TNFAIP8L1: variants seen among roughly 807,000 people sequenced by gnomAD.
The protein encoded by TNFAIP8L1 is tumor necrosis factor alpha-induced protein 8-like protein 1.
For synonymous variants in TNFAIP8L1, 127 were observed against 125.6 expected (o/e 1.01, Z -0.08); for missense variants, 225 against 266.1 (o/e 0.85, Z 1.08).
intron 1 of TNFAIP8L1, among the ~76,000 whole-genome samples, chr19:4,644,298 G>C (rs2088289669): frequency 6.6e-6 from 1 of 152,086 alleles, no homozygotes; most frequent in Admixed American, 6.6e-5. Context: ...CCAGCACTTT[G>C]GGAGGTCAAG....
In TNFAIP8L1 at chr19:4,654,594, G is replaced by A. The variant is rs1230631631; in HGVS notation, c.*2164G>A. 1 of 152,120 alleles carries A rather than the reference G, an allele frequency of 6.6e-6. No homozygotes were observed. Among genetic ancestry groups the A allele is most frequent in the Non-Finnish European group, 1.5e-5 (1 of 68,030 alleles). The allele number at this position is 152,120 out of a possible 1,614,324, so 9.4% of individuals were successfully genotyped here. On this transcript the variant is annotated 3_prime_UTR_variant, in exon 2 of 2. Coordinates refer to ENST00000327473, the MANE Select transcript of TNFAIP8L1 (RefSeq NM_152362.3). The stretch of plus-strand genomic sequence containing the variant: ...TGGGCTCAAGCGACCTACCTACCTC[G>A]GCCTCACAAAGTGTGCACATTGTAA...
At position 4,651,937 on chromosome 19, in the gene TNFAIP8L1, C is replaced by T; in HGVS notation, c.68C>T (p.Ser23Phe). 1.2e-6 allele frequency: 2 copies of T among 1,614,032 alleles called. No individual in the cohort carries two copies. The highest frequency in any genetic ancestry group is 8.5e-7 in the Non-Finnish European group (1 of 1,179,938). ...AAGAAGCTCCTGAGTAAGATGGCGT[C>T]CAAGGCAGTGGTGGCCGTGCTGGTG... ...AQKKLLSKMA[S>F]KAVVAVLVDD... is the part of the protein sequence containing the mutation. Residue 23 changes from serine (S) to phenylalanine (F), a missense_variant, in exon 2 of 2, where the codon TCC becomes TTC. By Grantham distance (155) the Ser-to-Phe change is radical (BLOSUM62 -2). Coordinates refer to ENST00000327473, the MANE Select transcript of TNFAIP8L1 (RefSeq NM_152362.3).
chr19:4,644,391 A>T (rs1423872248), intron 1 of TNFAIP8L1, among the ~76,000 whole-genome samples: 2 of 150,060 alleles, frequency 1.3e-5, no homozygotes, highest in Non-Finnish European at 3.0e-5. Flanking sequence ...AAAAAAAAAA[A>T]AAAATTAACC....
At chr19:4,648,328 G>A (rs1394857096) in intron 1 of TNFAIP8L1, among the ~76,000 whole-genome samples, 1 of 152,230 alleles carries the variant, frequency 6.6e-6, no homozygotes, top group Non-Finnish European at 1.5e-5. Flanking sequence ...TGATGCGGCC[G>A]CTACACCGCC....
intron 1 of TNFAIP8L1, among the ~76,000 whole-genome samples, chr19:4,644,039 G>A (rs1422009196): frequency 6.6e-6 from 1 of 151,192 alleles, no homozygotes; most frequent in Admixed American, 6.6e-5. Context: ...TGACCAACAT[G>A]GAGAAAACCC....
rs1047597021 is a variant in TNFAIP8L1 at position 4,648,630 on chromosome 19, C to A, written c.-3-3237C>A. Among the ~76,000 whole-genome samples, 10 of 152,196 alleles carry A rather than the reference C, an allele frequency of 6.6e-5. No homozygotes were observed. In the South Asian group the frequency reaches 1.0e-3, roughly 16 times the overall value. ...CGGGGGTTGCTCTTGGGAGCCCAGGCCCTTCCTGAATCTGTAAACAGGCCT... is the reference window on the plus strand; with the variant it reads ...CGGGGGTTGCTCTTGGGAGCCCAGGACCTTCCTGAATCTGTAAACAGGCCT... On this transcript the variant is annotated intron_variant, in intron 1 of 1. Coordinates refer to ENST00000327473, the MANE Select transcript of TNFAIP8L1 (RefSeq NM_152362.3).
intron 1 of TNFAIP8L1, among the ~76,000 whole-genome samples, chr19:4,649,179 C>G (rs1430902731): frequency 6.6e-6 from 1 of 151,754 alleles, no homozygotes; most frequent in African/African-American, 2.4e-5. Context: ...ATCCTCCCGC[C>G]TTGGCTTCCG....
At chr19:4,644,744 C>A (rs1441815791) in intron 1 of TNFAIP8L1, among the ~76,000 whole-genome samples, 1 of 151,444 alleles carries the variant, frequency 6.6e-6, no homozygotes, top group Non-Finnish European at 1.5e-5. Flanking sequence ...GCTGGGATTA[C>A]AGGCGTGTGC....
Position 4,652,504 on chromosome 19 carries a change from T to G in TNFAIP8L1, c.*74T>G, listed in dbSNP as rs933083136. The G allele has an allele frequency of 5.1e-6, 7 of 1,383,738 alleles. No homozygotes were observed. Among genetic ancestry groups the G allele is most frequent in the African/African-American group, 1.5e-5 (1 of 67,320 alleles). 85.7% of individuals were successfully genotyped at this position (1,383,738 alleles called of 1,614,324 possible). ...GCTGGGCGCGGGTGGGGTTTGTGGG[T>G]TTTTTTCCACCTCTTTTCTCCCAAT... On this transcript the variant is annotated 3_prime_UTR_variant, in exon 2 of 2. Transcript: ENST00000327473.
At position 4,652,628 on chromosome 19, in the gene TNFAIP8L1, TCTC is replaced by T. The variant is rs1469652749; in HGVS notation, c.*204_*206del. 2.5e-5 allele frequency: 14 copies of T among 552,620 alleles called. No individual in the cohort carries two copies. The highest frequency in any genetic ancestry group is 2.4e-4 in the African/African-American group (12 of 50,054). The allele number at this position is 552,620 out of a possible 1,614,324, so 34.2% of individuals were successfully genotyped here. Reference sequence around the variant, plus strand: ...AGCTGTTTCAAACACCAATGTCACCTCTCCTCCTGGCCCCCGCCCAATGGGGAG... The same window carrying T: ...AGCTGTTTCAAACACCAATGTCACCTCTCCTGGCCCCCGCCCAATGGGGAG... On this transcript the variant is annotated 3_prime_UTR_variant, in exon 2 of 2. Coordinates refer to ENST00000327473, the MANE Select transcript of TNFAIP8L1 (RefSeq NM_152362.3).
intron 1 of TNFAIP8L1, chr19:4,642,515 AAAAT>A (rs1269049675): frequency 6.6e-6 from 1 of 152,034 alleles, no homozygotes; most frequent in Non-Finnish European, 1.5e-5. Context: ...ATATACACAT[AAAAT>A]AAATAAAATA....
chr19:4,652,636 T>C lies in TNFAIP8L1; in HGVS notation c.*206T>C. On this transcript the variant is annotated 3_prime_UTR_variant, in exon 2 of 2. Coordinates refer to ENST00000327473, the MANE Select transcript of TNFAIP8L1 (RefSeq NM_152362.3). ...CAAACACCAATGTCACCTCTCCTCC[T>C]GGCCCCCGCCCAATGGGGAGAGGAA... is the stretch of plus-strand genomic sequence containing the variant. The C allele has an allele frequency of 1.9e-6, 1 of 539,710 alleles. No homozygotes were observed. 33.4% of individuals were successfully genotyped at this position (539,710 alleles called of 1,614,324 possible).
intron 1 of TNFAIP8L1, among the ~76,000 whole-genome samples, chr19:4,649,606 T>C (rs866191919): frequency 1.3e-5 from 2 of 152,168 alleles, no homozygotes; most frequent in Non-Finnish European, 2.9e-5. Flanking sequence ...GGTTACTGTA[T>C]TGCTGTGTGG....
At chr19:4,648,442 G>C (rs2088331802) in intron 1 of TNFAIP8L1, among the ~76,000 whole-genome samples, 1 of 152,256 alleles carries the variant, frequency 6.6e-6, no homozygotes, top group African/African-American at 2.4e-5. Context: ...GTTTCTGGCA[G>C]AACAATGGGT....
chr19:4,652,567 C>T lies in TNFAIP8L1; in HGVS notation c.*137C>T, dbSNP rs1355680521. 3.5e-6 allele frequency: 3 copies of T among 847,844 alleles called. No individual in the cohort carries two copies. Among genetic ancestry groups the T allele is most frequent in the African/African-American group, 1.8e-5 (1 of 55,898 alleles). 52.5% of individuals were successfully genotyped at this position (847,844 alleles called of 1,614,324 possible). On this transcript the variant is annotated 3_prime_UTR_variant, in exon 2 of 2. Coordinates refer to ENST00000327473, the MANE Select transcript of TNFAIP8L1 (RefSeq NM_152362.3). ...AAACTCCCCTAGACAGATGGGTGAC[C>T]TGTCTCCTTTGAGAGGATGCTGAGG...
intron 1 of TNFAIP8L1, among the ~76,000 whole-genome samples, chr19:4,650,244 G>T (rs117666290): frequency 0.012 from 1,892 of 152,130 alleles, 25 homozygotes; most frequent in Non-Finnish European, 0.018. Flanking sequence ...AGGAGGCAGA[G>T]ACTTGGGGGC....
chr19:4,646,164 C>T (rs925602347), intron 1 of TNFAIP8L1, among the ~76,000 whole-genome samples: 14 of 152,064 alleles, frequency 9.2e-5, no homozygotes, highest in Admixed American at 5.9e-4. Flanking sequence ...GTTTTTGCAC[C>T]CAGGCTGGAG....
At chr19:4,643,278 C>CA (rs758868410) in intron 1 of TNFAIP8L1, among the ~76,000 whole-genome samples, 3,847 of 123,568 alleles carry the variant, frequency 0.031, 83 homozygotes, top group East Asian at 0.096. Flanking sequence ...GACTCTGTCT[C>CA]AAAAAAAAAA....
intron 1 of TNFAIP8L1, among the ~76,000 whole-genome samples, chr19:4,642,868 C>A (rs1025439277): frequency 2.6e-5 from 4 of 151,964 alleles, no homozygotes; most frequent in Admixed American, 6.6e-5. Flanking sequence ...AAGGATGGAA[C>A]CTGACTCAGG....
Sources: allele counts gnomAD v4.1 joint callset (sites outside exome capture counted in the v4.1 genomes callset), GRCh38; gene constraint gnomAD v4.1.1; transcripts MANE v1.5; gene names NCBI Gene and HGNC (gene_info 2026-07-23, HGNC 2026-07-21).